Variants in EEFSEC observed in about 807,000 individuals in gnomAD.
EEFSEC encodes the protein selenocysteine-specific elongation factor.
EEFSEC carries 43 observed loss-of-function variants against 42.1 expected under a neutral mutation model. The ratio of observed to expected loss-of-function variants is 1.02; its 90% CI spans 0.80 to 1.32. EEFSEC has a LOEUF of 1.32. EEFSEC is among the 40% of genes most tolerant of loss of function. EEFSEC has a pLI of 0.00. For synonymous variants in EEFSEC, 354 were observed against 339.1 expected (o/e 1.04, Z -0.48); for missense variants, 745 against 803.6 (o/e 0.93, Z 0.88).
intron 1 of EEFSEC, among the ~76,000 whole-genome samples, chr3:128,158,436 GAAGA>G (rs1471028053): frequency 6.6e-6 from 1 of 152,140 alleles, no homozygotes; most frequent in African/African-American, 2.4e-5. Flanking sequence ...TTTGTAAAAG[GAAGA>G]GTCACCTGAT....
chr3:128,244,974 C>G (rs1399431770), intron 1 of EEFSEC, among the ~76,000 whole-genome samples: 1 of 152,116 alleles, frequency 6.6e-6, no homozygotes, highest in African/African-American at 2.4e-5. Flanking sequence ...TCAACCTGTC[C>G]CCTGCTGATG....
At chr3:128,264,903 C>A in intron 4 of EEFSEC, 122 bp downstream of exon 4, 1 of 1,213,166 alleles carries the variant, frequency 8.2e-7, no homozygotes, top group Non-Finnish European at 1.1e-6. Flanking sequence ...CCACTGCCTG[C>A]TCCGCCCCAC....
chr3:128,319,767 C>G (rs1381722817), intron 4 of EEFSEC, among the ~76,000 whole-genome samples: 1 of 152,196 alleles, frequency 6.6e-6, no homozygotes, highest in African/African-American at 2.4e-5. Context: ...TGTGGCTGTC[C>G]CTGCACTGTG....
At position 128,341,270 on chromosome 3, in the gene EEFSEC, T is replaced by A. The variant is rs753379033; in HGVS notation, c.824T>A (p.Met275Lys). The part of the protein sequence containing the change: ...KKVKSMQMFH[M>K]PITSAMQGDR... Reference sequence around the variant, plus strand: ...GTGAAGTCCATGCAGATGTTCCACATGCCCATCACTTCAGCCATGCAAGGA... The same window carrying A: ...GTGAAGTCCATGCAGATGTTCCACAAGCCCATCACTTCAGCCATGCAAGGA... Residue 275 changes from methionine to lysine, a missense_variant, in exon 5 of 7, where the codon ATG (methionine) becomes AAG (lysine). By Grantham distance (95) the Met-to-Lys change is moderately conservative (BLOSUM62 -1). Transcript: ENST00000254730. The A allele has an allele frequency of 1.9e-6, 3 of 1,613,534 alleles. No homozygotes were observed. In the South Asian group the frequency reaches 3.3e-5, roughly 18 times the overall value.
At chr3:128,264,516 G>A in intron 3 of EEFSEC, 101 bp from the exon 4 acceptor site, 1 of 1,379,980 alleles carries the variant, frequency 7.2e-7, no homozygotes, top group Non-Finnish European at 1.0e-6. Flanking sequence ...CACCTTGGCA[G>A]CCTTGATGAA....
At chr3:128,360,001 G>A (rs181109064) in intron 6 of EEFSEC, among the ~76,000 whole-genome samples, 7 of 152,324 alleles carry the variant, frequency 4.6e-5, no homozygotes, top group African/African-American at 1.4e-4. Context: ...TCATGAGCAA[G>A]GGCAATGGTC....
intron 6 of EEFSEC, among the ~76,000 whole-genome samples, chr3:128,384,177 C>A (rs1404107502): frequency 6.6e-6 from 1 of 152,162 alleles, no homozygotes; most frequent in South Asian, 2.1e-4. Flanking sequence ...GGTGGAGAGA[C>A]AGCCTGGGGA....
intron 1 of EEFSEC, among the ~76,000 whole-genome samples, chr3:128,169,984 C>G (rs1003961398): frequency 6.6e-6 from 1 of 152,130 alleles, no homozygotes; most frequent in African/African-American, 2.4e-5. Flanking sequence ...TTTGCCTTTT[C>G]TTTTTCCTCC....
chr3:128,398,547 CACTAAGGACAG>C (rs1424161161), intron 6 of EEFSEC, among the ~76,000 whole-genome samples: 2 of 152,154 alleles, frequency 1.3e-5, no homozygotes, highest in East Asian at 3.9e-4. Flanking sequence ...CTGGCAACAG[CACTAAGGACAG>C]ACCAGTGGGA....
rs1316149989 is a variant in EEFSEC at position 128,317,170 on chromosome 3, C to T, written c.787-24063C>T. Among the ~76,000 whole-genome samples, 1 of 152,182 alleles carries T rather than the reference C, an allele frequency of 6.6e-6. No homozygotes were observed. Among genetic ancestry groups the T allele is most frequent in the Non-Finnish European group, 1.5e-5 (1 of 68,028 alleles). On this transcript the variant is annotated intron_variant, in intron 4 of 6. Coordinates refer to ENST00000254730, the MANE Select transcript of EEFSEC (RefSeq NM_021937.5). The surrounding 1 kb of genome is among the most constrained non-coding windows in gnomAD (Gnocchi z 4.1). ...CCTTTGGTACCAGGCCTCAATAGGG[C>T]AGCAAGGGCCCCGCAGAAGCAGTGC...
At chr3:128,370,606 C>A (rs543783183) in intron 6 of EEFSEC, among the ~76,000 whole-genome samples, 1 of 152,308 alleles carries the variant, frequency 6.6e-6, no homozygotes, top group East Asian at 1.9e-4. Flanking sequence ...TGCTACTTCC[C>A]CCAAAGCCTT....
intron 1 of EEFSEC, among the ~76,000 whole-genome samples, chr3:128,217,214 G>A (rs149833788): frequency 4.1e-4 from 62 of 152,276 alleles, no homozygotes; most frequent in Non-Finnish European, 8.1e-4. Flanking sequence ...GCAATAGGGC[G>A]AGATAGGATG....
chr3:128,405,017 C>CTTTTTTT (rs397794836), intron 6 of EEFSEC, among the ~76,000 whole-genome samples: 1 of 140,456 alleles, frequency 7.1e-6, no homozygotes, highest in African/African-American at 2.6e-5. Context: ...ACCCTTGTCA[C>CTTTTTTT]TTTTTTTTTT....
At chr3:128,236,916 A>G (rs953947718) in intron 1 of EEFSEC, among the ~76,000 whole-genome samples, 3 of 152,194 alleles carry the variant, frequency 2.0e-5, no homozygotes, top group African/African-American at 7.2e-5. Flanking sequence ...CTGTGTTTTA[A>G]TGTTTGCTTT....
In EEFSEC at chr3:128,253,458, A is replaced by G. The variant is rs111939066; in HGVS notation, c.524+6415A>G. 4.6e-3 allele frequency among the ~76,000 whole-genome samples: 697 copies of G among 152,238 alleles called. 4 individuals carry two copies. Among genetic ancestry groups the G allele is most frequent in the African/African-American group, 0.015 (612 of 41,536 alleles). On this transcript the variant is annotated intron_variant, in intron 2 of 6. Transcript: ENST00000254730. The stretch of plus-strand genomic sequence containing the variant: ...TGGGCGAGTCATAGCTTCTCTGAAT[A>G]TGGTACCTGAACCCCTGCCCATGGA...
intron 1 of EEFSEC, among the ~76,000 whole-genome samples, chr3:128,177,058 A>G (rs1042476916): frequency 6.6e-6 from 1 of 151,790 alleles, no homozygotes; most frequent in African/African-American, 2.4e-5. Context: ...GTGCGGTAGC[A>G]TGATCTCAGC....
At chr3:128,386,332 G>A (rs548822261) in intron 6 of EEFSEC, among the ~76,000 whole-genome samples, 24 of 152,238 alleles carry the variant, frequency 1.6e-4, no homozygotes, top group African/African-American at 5.5e-4. Flanking sequence ...CCCTGAAAAC[G>A]TTCTCAAAAA....
At chr3:128,164,757 TAGCCCGGAC>T (rs1341584210) in intron 1 of EEFSEC, among the ~76,000 whole-genome samples, 2 of 152,000 alleles carry the variant, frequency 1.3e-5, no homozygotes, top group East Asian at 3.9e-4. Flanking sequence ...TTCCAGAGGG[TAGCCCGGAC>T]CAGATCTCAG....
intron 1 of EEFSEC, among the ~76,000 whole-genome samples, chr3:128,213,233 G>T (rs2065777470): frequency 6.6e-6 from 1 of 152,170 alleles, no homozygotes; most frequent in African/African-American, 2.4e-5. Flanking sequence ...CGGATCTTAG[G>T]CTCCTCACCT....
Sources: gnomAD v4.1 joint callset for allele counts (sites outside exome capture counted in the v4.1 genomes callset) on GRCh38, gnomAD v4.1.1 for gene constraint, Gnocchi (gnomAD v3.1) non-coding constraint, MANE v1.5 for transcripts, NCBI Gene and HGNC (gene_info 2026-07-23, HGNC 2026-07-21) for gene names.